Variants in SPACDR observed in about 807,000 individuals in gnomAD.
The protein encoded by SPACDR is sperm acrosome developmental regulator.
chr7:100,464,035 T>C, the SPACDR span: 1 of 1,444,522 alleles, frequency 6.9e-7, no homozygotes, highest in Non-Finnish European at 9.2e-7. Context: ...TCTCTCTTGA[T>C]GGGAAAAACA....
the SPACDR span, among the ~76,000 whole-genome samples, chr7:100,457,857 A>ATTT: frequency 1.7e-4 from 15 of 88,328 alleles, no homozygotes; most frequent in African/African-American, 7.3e-4. Context: ...ATATATATAT[A>ATTT]TTTTTTTTTT....
chr7:100,462,986 C>T, the SPACDR span, among the ~76,000 whole-genome samples: 11 of 150,370 alleles, frequency 7.3e-5, no homozygotes, highest in Admixed American at 2.0e-4. Context: ...GTCTGTAGTC[C>T]CCAGCTACTC....
chr7:100,459,797 G>A, the SPACDR span, among the ~76,000 whole-genome samples: 1 of 152,002 alleles, frequency 6.6e-6, no homozygotes, highest in Non-Finnish European at 1.5e-5. Flanking sequence ...AGTATTCTGG[G>A]GTTTGAAGGT....
At chr7:100,462,090 G>A in the SPACDR span, among the ~76,000 whole-genome samples, 1 of 151,950 alleles carries the variant, frequency 6.6e-6, no homozygotes, top group Non-Finnish European at 1.5e-5. Context: ...ACTCAACAAT[G>A]TGTGGATACT....
chr7:100,463,344 G>T, the SPACDR span: 73 of 1,544,720 alleles, frequency 4.7e-5, no homozygotes, highest in Non-Finnish European at 6.3e-5. Flanking sequence ...GAGGGAGGGG[G>T]TGTTAGGATG....
the SPACDR span, among the ~76,000 whole-genome samples, chr7:100,460,398 T>C: frequency 3.3e-5 from 5 of 151,846 alleles, no homozygotes; most frequent in Admixed American, 3.3e-4. Context: ...GAGACTAGCA[T>C]GGTCCAATAT....
the SPACDR span, among the ~76,000 whole-genome samples, chr7:100,457,619 T>A: frequency 1.8e-4 from 13 of 72,890 alleles, no homozygotes; most frequent in African/African-American, 7.3e-4. Flanking sequence ...ATGCCTGGCC[T>A]TTTTTTTTTT....
chr7:100,463,799 C>T, the SPACDR span: 1 of 1,235,404 alleles, frequency 8.1e-7, no homozygotes, highest in South Asian at 1.2e-5. Context: ...CCTGGCCTCT[C>T]TTCCTTCTCC....
At chr7:100,459,001 CTTTTT>C in the SPACDR span, among the ~76,000 whole-genome samples, 1 of 135,284 alleles carries the variant, frequency 7.4e-6, no homozygotes, top group African/African-American at 2.9e-5. Flanking sequence ...TCCTTTTTAC[CTTTTT>C]TTTTTTTTTT....
chr7:100,460,727 T>C, the SPACDR span, among the ~76,000 whole-genome samples: 1 of 151,826 alleles, frequency 6.6e-6, no homozygotes, highest in Non-Finnish European at 1.5e-5. Context: ...TATAGCTCAC[T>C]GTGGCCTTGA....
chr7:100,461,592 C>G, the SPACDR span, among the ~76,000 whole-genome samples: 13 of 151,692 alleles, frequency 8.6e-5, no homozygotes, highest in Non-Finnish European at 1.8e-4. Context: ...ATTTGCCATT[C>G]TTACTCCCTG....
the SPACDR span, among the ~76,000 whole-genome samples, chr7:100,457,565 G>A: frequency 3.4e-5 from 5 of 149,038 alleles, no homozygotes; most frequent in South Asian, 2.1e-4. Context: ...GTGATCAGCC[G>A]GCCTCGGCCT....
chr7:100,459,950 C>T, the SPACDR span, among the ~76,000 whole-genome samples: 23 of 151,272 alleles, frequency 1.5e-4, no homozygotes, highest in African/African-American at 4.9e-4. Context: ...AGTACAGTGG[C>T]GCTATTTCAG....
the SPACDR span, among the ~76,000 whole-genome samples, chr7:100,459,630 T>C: frequency 1.3e-5 from 2 of 151,922 alleles, no homozygotes; most frequent in Non-Finnish European, 2.9e-5. Flanking sequence ...TATTTGTGTG[T>C]TTGTTTTGTT....
chr7:100,460,962 G>T, the SPACDR span, among the ~76,000 whole-genome samples: 1 of 152,118 alleles, frequency 6.6e-6, no homozygotes, highest in African/African-American at 2.4e-5. Flanking sequence ...GGCTCCCATT[G>T]CTCTAAGGGT....
At chr7:100,463,082 C>T in the SPACDR span, among the ~76,000 whole-genome samples, 3 of 144,478 alleles carry the variant, frequency 2.1e-5, no homozygotes, top group South Asian at 2.2e-4. Flanking sequence ...CCAGCCTGGG[C>T]GACAGAGGGA....
chr7:100,459,413 C>T, the SPACDR span, among the ~76,000 whole-genome samples: 1 of 151,940 alleles, frequency 6.6e-6, no homozygotes, highest in Non-Finnish European at 1.5e-5. Context: ...AGCGATTCTC[C>T]TGCCTCAGCC....
chr7:100,463,913 A>C, the SPACDR span: 1 of 1,572,134 alleles, frequency 6.4e-7, no homozygotes, highest in Non-Finnish European at 8.7e-7. Context: ...GCTGCGACCC[A>C]TGCCCTCATC....
At chr7:100,457,033 G>A in the SPACDR span, 8 of 1,417,500 alleles carry the variant, frequency 5.6e-6, no homozygotes, top group East Asian at 2.4e-5. Context: ...TGGGTCTAGG[G>A]AGAAACTGCC....
Sources: gnomAD v4.1 joint callset for allele counts (sites outside exome capture counted in the v4.1 genomes callset) on GRCh38, gnomAD v4.1.1 for gene constraint, MANE v1.5 for transcripts, NCBI Gene and HGNC (gene_info 2026-07-23, HGNC 2026-07-21) for gene names.